The following KCNA2 variants were observed in gnomAD, a reference collection of about 807,000 sequenced individuals.
KCNA2 encodes potassium voltage-gated channel subfamily A member 2, also known as potassium channel, voltage gated shaker related subfamily A, member 2.
Under a neutral mutation model 33.4 loss-of-function variants are expected in KCNA2, and 11 were observed. That is an observed-to-expected ratio of 0.33 (90% CI 0.21 to 0.55). KCNA2 has a LOEUF of 0.55. Among genes scored for constraint, KCNA2 ranks in the 20% least tolerant of loss-of-function variants. The pLI, the probability that KCNA2 is intolerant of heterozygous loss-of-function variation, is 0.93. For synonymous variants in KCNA2, 222 were observed against 231.3 expected (o/e 0.96, Z 0.37); for missense variants, 291 against 621.6 (o/e 0.47, Z 5.66).
chr1:110,598,680 C>T lies in KCNA2; in HGVS notation c.*4603G>A. 1 of 985,294 alleles carries T rather than the reference C, an allele frequency of 1.0e-6. No homozygotes were observed. The highest frequency in any genetic ancestry group is 1.2e-6 in the Non-Finnish European group (1 of 829,912). 61.0% of individuals were successfully genotyped at this position (985,294 alleles called of 1,614,324 possible). ...AATCTAGAGGCACACTCCCGTGGGG[C>T]CCCTTTTAAAAGGCTAACCTCATGG... On this transcript the variant is annotated 3_prime_UTR_variant, in exon 3 of 3. Transcript: ENST00000316361.
intron 1 of KCNA2, among the ~76,000 whole-genome samples, chr1:110,628,418 T>C (rs980149839): frequency 6.6e-6 from 1 of 152,174 alleles, no homozygotes; most frequent in Non-Finnish European, 1.5e-5. Flanking sequence ...TCCTGGGTGT[T>C]AGAATGGGCC....
chr1:110,603,519 C>T lies in KCNA2; in HGVS notation c.1264G>A (p.Glu422Lys). 1 of 1,614,118 alleles carries T rather than the reference C, an allele frequency of 6.2e-7. No individual in the cohort carries two copies. The highest frequency in any genetic ancestry group is 8.5e-7 in the Non-Finnish European group (1 of 1,180,036). Residue 422 changes from glutamate (E) to lysine (K), a missense_variant, in exon 3 of 3, where the codon GAG becomes AAG. Physicochemically the swap from Glu to Lys is moderately conservative, Grantham distance 56. Coordinates refer to ENST00000316361, the MANE Select transcript of KCNA2 (RefSeq NM_004974.4). The surrounding 1 kb of genome is among the most constrained non-coding windows in gnomAD (Gnocchi z 5.7). ...AAGTATTGGGCCTGTTCCTCTCCCT[C>T]TGTCTCCCGGTGGTAGAAGTAGTTG... ...NFNYFYHRET[E>K]GEEQAQYLQV... is the part of the protein sequence containing the mutation.
intron 1 of KCNA2, among the ~76,000 whole-genome samples, chr1:110,612,353 C>A (rs894660960): frequency 2.6e-5 from 4 of 152,226 alleles, no homozygotes; most frequent in Non-Finnish European, 4.4e-5. Context: ...AGGCTACAAA[C>A]CTGTACAGCA....
rs140597296 is a variant in KCNA2 at position 110,612,236 on chromosome 1, G to A, written c.-495-6514C>T. Among the ~76,000 whole-genome samples, 1,103 of 152,244 alleles carry A rather than the reference G, an allele frequency of 7.2e-3. 9 individuals are homozygous for A. The highest frequency in any genetic ancestry group is 0.014 in the Middle Eastern group (4 of 294). The stretch of plus-strand genomic sequence containing the variant: ...ACGATGGAGACACATCCTGAGAAAT[G>A]TGTCAGGTGATCTCATCGTTGTGCA... On this transcript the variant is annotated intron_variant, in intron 1 of 4. Coordinates refer to the KCNA2 transcript ENST00000369770.
chr1:110,629,208 T>C (rs1488306382), intron 1 of KCNA2, among the ~76,000 whole-genome samples: 1 of 152,080 alleles, frequency 6.6e-6, no homozygotes, highest in African/African-American at 2.4e-5. Context: ...CTGTTAGTGA[T>C]CCCCAATTAC....
intron 1 of KCNA2, among the ~76,000 whole-genome samples, chr1:110,614,148 A>G (rs192523211): frequency 1.2e-4 from 18 of 152,308 alleles, no homozygotes; most frequent in Non-Finnish European, 7.4e-5. Flanking sequence ...CAAAGTTGAA[A>G]ACAGTGGCGA....
intron 1 of KCNA2, among the ~76,000 whole-genome samples, chr1:110,613,245 G>A (rs1054598753): frequency 6.6e-6 from 1 of 152,074 alleles, no homozygotes; most frequent in African/African-American, 2.4e-5. Context: ...CCCTCTTCCT[G>A]GTCTCCACCC....
chr1:110,622,383 A>G (rs1021432752), intron 1 of KCNA2, among the ~76,000 whole-genome samples: 3 of 152,170 alleles, frequency 2.0e-5, no homozygotes, highest in African/African-American at 2.4e-5. Context: ...CCTGTAGCCA[A>G]CATTATACTT....
chr1:110,626,533 T>G (rs552773344), intron 1 of KCNA2, among the ~76,000 whole-genome samples: 43 of 152,316 alleles, frequency 2.8e-4, no homozygotes, highest in Non-Finnish European at 4.9e-4. Context: ...GACATCTCAG[T>G]GTGTACCTTT....
At chr1:110,608,416 C>T (rs1649753436), upstream of KCNA2, among the ~76,000 whole-genome samples, 1 of 152,190 alleles carries the variant, frequency 6.6e-6, no homozygotes, top group Non-Finnish European at 1.5e-5. Flanking sequence ...TTCAGATGGG[C>T]TCTAGCACCA....
chr1:110,611,011 A>G (rs1649847332), upstream of KCNA2, among the ~76,000 whole-genome samples: 1 of 150,076 alleles, frequency 6.7e-6, no homozygotes, highest in Admixed American at 6.7e-5. Flanking sequence ...GGGCTTAAAG[A>G]CAGAATGAGG....
Position 110,600,862 on chromosome 1 carries a change from CCTAGCACCCTG to C in KCNA2, c.*2410_*2420del, listed in dbSNP as rs1430817706. 1.0e-6 allele frequency: 1 copy of C among 985,350 alleles called. No individual in the cohort carries two copies. The highest frequency in any genetic ancestry group is 1.1e-4 in the East Asian group (1 of 8,822). The allele number at this position is 985,350 out of a possible 1,614,324, so 61.0% of individuals were successfully genotyped here. On this transcript the variant is annotated 3_prime_UTR_variant, in exon 3 of 3. Transcript: ENST00000316361. ...ACCAGGCACTAATGAGCACCCTGGG[CCTAGCACCCTG>C]AGCTGGTGCCCCATGCCCCAAGACA...
In KCNA2 at chr1:110,600,551, CAT is replaced by C; in HGVS notation, c.*2730_*2731del. ...TGGTCTGTCTGTATTTTGCACGTTA[CAT>C]GTTTTATGTTTGTGTGTGACAACAG... is the stretch of plus-strand genomic sequence containing the variant. On this transcript the variant is annotated 3_prime_UTR_variant, in exon 3 of 3. Coordinates refer to ENST00000316361, the MANE Select transcript of KCNA2 (RefSeq NM_004974.4). The C allele has an allele frequency of 1.0e-6, 1 of 985,286 alleles. No homozygotes were observed. Among genetic ancestry groups the C allele is most frequent in the Non-Finnish European group, 1.2e-6 (1 of 829,910 alleles). 61.0% of individuals were successfully genotyped at this position (985,286 alleles called of 1,614,324 possible).
In KCNA2 at chr1:110,611,506, A is replaced by G. The variant is rs183544466; in HGVS notation, c.-495-5784T>C. Among the ~76,000 whole-genome samples, 1,012 of 152,278 alleles carry G rather than the reference A, an allele frequency of 6.6e-3. 28 individuals are homozygous for G. Among genetic ancestry groups the G allele is most frequent in the Non-Finnish European group, 3.8e-3 (260 of 68,002 alleles). On this transcript the variant is annotated intron_variant, in intron 1 of 4. Transcript: ENST00000369770. ...TAATTTGGGAGGCTGAGGTGGGAGGATTGCTTGAGGCCAGGAATTCAATAT... is the reference window on the plus strand; with the variant it reads ...TAATTTGGGAGGCTGAGGTGGGAGGGTTGCTTGAGGCCAGGAATTCAATAT...
chr1:110,611,575 A>G (rs954862108), intron 1 of KCNA2, among the ~76,000 whole-genome samples: 3 of 151,944 alleles, frequency 2.0e-5, no homozygotes, highest in Non-Finnish European at 4.4e-5. Flanking sequence ...TTTTTTTTTT[A>G]ATTAGCTGGG....
chr1:110,601,250 C>T lies in KCNA2; in HGVS notation c.*2033G>A. 2.0e-6 allele frequency: 2 copies of T among 985,448 alleles called. No individual in the cohort carries two copies. The highest frequency in any genetic ancestry group is 4.7e-5 in the South Asian group (1 of 21,286). The allele number at this position is 985,448 out of a possible 1,614,324, so 61.0% of individuals were successfully genotyped here. A position where few individuals can be genotyped will look rare whatever the true frequency, so the allele number is the denominator to read the frequency against. Reference sequence around the variant, plus strand: ...TTTGGATCATCTAGGGACTCCATCACTTAGTCCCGGACTTCAGACATTTCC... The same window carrying T: ...TTTGGATCATCTAGGGACTCCATCATTTAGTCCCGGACTTCAGACATTTCC... On this transcript the variant is annotated 3_prime_UTR_variant, in exon 3 of 3. Coordinates refer to ENST00000316361, the MANE Select transcript of KCNA2 (RefSeq NM_004974.4).
At chr1:110,618,946 C>T (rs1650159433) in intron 1 of KCNA2, among the ~76,000 whole-genome samples, 2 of 152,208 alleles carry the variant, frequency 1.3e-5, no homozygotes, top group East Asian at 1.9e-4. Context: ...TTCATGCCCT[C>T]GCAGAAGCCA....
At chr1:110,630,092 C>T (rs542111817) in intron 1 of KCNA2, among the ~76,000 whole-genome samples, 12 of 149,162 alleles carry the variant, frequency 8.0e-5, no homozygotes, top group African/African-American at 2.2e-4. Flanking sequence ...CTTGGCTCAC[C>T]GCAACCTCTG....
rs369736808 is a variant in KCNA2 at position 110,616,147 on chromosome 1, A to G, written c.-495-10425T>C. ...CTCAAAGGAATTCCTCTCTTCTCTG[A>G]ACTCTGGCCATTAGAATCTGCTGGG... On this transcript the variant is annotated intron_variant, in intron 1 of 4. Coordinates refer to the KCNA2 transcript ENST00000369770. 9.2e-5 allele frequency among the ~76,000 whole-genome samples: 14 copies of G among 152,270 alleles called. No homozygotes were observed. In the East Asian group the frequency reaches 2.3e-3, roughly 25 times the overall value.
Sources: allele counts gnomAD v4.1 joint callset (sites outside exome capture counted in the v4.1 genomes callset), GRCh38; gene constraint gnomAD v4.1.1; non-coding constraint Gnocchi (gnomAD v3.1); transcripts MANE v1.5; gene names NCBI Gene and HGNC (gene_info 2026-07-23, HGNC 2026-07-21).